TIPRL: variants seen among roughly 807,000 people sequenced by gnomAD.
TIPRL encodes TIP41-like protein.
A neutral mutation model predicts 32.3 loss-of-function variants in TIPRL; 10 were observed. The observed-to-expected ratio is 0.31, with a 90% CI of 0.19 to 0.52. The LOEUF is 0.52. Among genes scored for constraint, TIPRL ranks in the 20% least tolerant of loss-of-function variants. The probability of loss-of-function intolerance (pLI) is 0.96; values close to 1 mark genes in which losing one functional copy is unlikely to be tolerated. For missense variants in TIPRL, 250 were observed against 328.1 expected (o/e 0.76, Z 1.84); for synonymous variants, 100 against 114.0 (o/e 0.88, Z 0.78).
chr1:168,192,476 G>T lies in TIPRL; in HGVS notation c.516+976G>T, dbSNP rs999128963. 10 of 944,318 alleles carry T rather than the reference G, an allele frequency of 1.1e-5. No homozygotes were observed. In the African/African-American group the frequency reaches 1.8e-4, roughly 17 times the overall value. 58.5% of individuals were successfully genotyped at this position (944,318 alleles called of 1,614,324 possible). The stretch of plus-strand genomic sequence containing the variant: ...AATACTTTCCAGAAATAACTCAACT[G>T]AAACTTTTTACTAAATGCCTCATTC... On this transcript the variant is annotated intron_variant, in intron 4 of 6. Coordinates refer to ENST00000367833, the MANE Select transcript of TIPRL (RefSeq NM_152902.5).
intron 3 of TIPRL, 151 bp downstream of exon 3, chr1:168,185,029 T>C (rs771883039): frequency 1.1e-5 from 6 of 539,882 alleles, no homozygotes; most frequent in South Asian, 5.5e-5. Flanking sequence ...GAGGGGGTTT[T>C]GCTTGTTGAC....
intron 3 of TIPRL, among the ~76,000 whole-genome samples, chr1:168,188,735 T>G (rs1190698276): frequency 6.6e-6 from 1 of 152,028 alleles, no homozygotes; most frequent in African/African-American, 2.4e-5. Flanking sequence ...TCCCAATACT[T>G]TAGGAGGCCG....
intron 1 of TIPRL, among the ~76,000 whole-genome samples, chr1:168,180,141 A>G (rs1171756948): frequency 1.3e-5 from 2 of 152,220 alleles, no homozygotes; most frequent in African/African-American, 4.8e-5. Context: ...GCTGGATTGC[A>G]GGTCCGCAGG....
In TIPRL at chr1:168,200,414, C is replaced by G; in HGVS notation, c.*368C>G. On this transcript the variant is annotated 3_prime_UTR_variant, in exon 7 of 7. Transcript: ENST00000367833. ...TAATGTAAATCACCAAATCCCAATG[C>G]CTTGTGACTTTCATAGGATTCCTGA... 1 of 165,138 alleles carries G rather than the reference C, an allele frequency of 6.1e-6. No homozygotes were observed. Among genetic ancestry groups the G allele is most frequent in the Admixed American group, 6.0e-5 (1 of 16,532 alleles). 10.2% of individuals were successfully genotyped at this position (165,138 alleles called of 1,614,324 possible). A position where few individuals can be genotyped will look rare whatever the true frequency, so the allele number is the denominator to read the frequency against.
chr1:168,184,143 A>T (rs1173079344), intron 2 of TIPRL, 62 bp downstream of exon 2: 1 of 1,461,188 alleles, frequency 6.8e-7, no homozygotes, highest in Non-Finnish European at 9.3e-7. Context: ...AAGAGAAAAG[A>T]CTTGAAAAAA....
intron 1 of TIPRL, among the ~76,000 whole-genome samples, chr1:168,181,360 C>T (rs948172957): frequency 6.6e-6 from 1 of 151,412 alleles, no homozygotes; most frequent in African/African-American, 2.4e-5. Context: ...TACAGGCATG[C>T]ATCACCACGC....
At chr1:168,181,964 T>C (rs1234453675) in intron 1 of TIPRL, among the ~76,000 whole-genome samples, 1 of 151,744 alleles carries the variant, frequency 6.6e-6, no homozygotes, top group Non-Finnish European at 1.5e-5. Flanking sequence ...CTCTGAAGGC[T>C]GAGGCACGAG....
At chr1:168,199,061 A>G (rs1389094786) in intron 6 of TIPRL, 80 bp downstream of exon 6, 7 of 1,081,232 alleles carry the variant, frequency 6.5e-6, no homozygotes, top group South Asian at 2.7e-5. Flanking sequence ...CCTGACCCCA[A>G]CCACCCAAGT....
chr1:168,193,955 C>T (rs1347810407), intron 4 of TIPRL, among the ~76,000 whole-genome samples: 1 of 152,084 alleles, frequency 6.6e-6, no homozygotes, highest in Non-Finnish European at 1.5e-5. Context: ...TATTGAGTCA[C>T]CGTAAATGTG....
intron 1 of TIPRL, among the ~76,000 whole-genome samples, chr1:168,179,892 A>G (rs1699939243): frequency 6.6e-6 from 1 of 151,972 alleles, no homozygotes; most frequent in Non-Finnish European, 1.5e-5. Flanking sequence ...GGGCTCAGGG[A>G]GAGTGAAAGC....
chr1:168,191,954 A>G (rs1055241836), intron 4 of TIPRL, among the ~76,000 whole-genome samples: 8 of 151,862 alleles, frequency 5.3e-5, no homozygotes, highest in African/African-American at 1.9e-4. Flanking sequence ...TTGAATATCC[A>G]TTATAAAATT....
At chr1:168,184,692 A>G (rs1270932088) in intron 2 of TIPRL, 87 bp from the exon 3 acceptor site, 2 of 820,518 alleles carry the variant, frequency 2.4e-6, no homozygotes, top group Non-Finnish European at 4.0e-6. Context: ...ATATGTTATT[A>G]TAGAATATAA....
chr1:168,200,029 A>G lies in TIPRL; in HGVS notation c.802A>G (p.Ser268Gly), dbSNP rs1386576626. 1.7e-5 allele frequency: 27 copies of G among 1,613,424 alleles called. No homozygotes were observed. Among genetic ancestry groups the G allele is most frequent in the Non-Finnish European group, 2.1e-5 (25 of 1,179,656 alleles). ...TCCTAACCCAGCAGACTCACAAAAA[A>G]GTACACAAGTGGAATAAAATGTGAT... ...IDPNPADSQK[S>G]TQVE Residue 268 changes from serine to glycine, a missense_variant, in exon 7 of 7, where the codon AGT (serine) becomes GGT (glycine). Ser to Gly is a moderately conservative substitution (Grantham distance 56). Transcript: ENST00000367833.
chr1:168,184,185 A>C (rs1700001261), intron 2 of TIPRL, 104 bp downstream of exon 2: 3 of 1,039,008 alleles, frequency 2.9e-6, no homozygotes, highest in Admixed American at 5.7e-5. Context: ...TGTTGTTAGA[A>C]TGAAGGGCTG....
intron 5 of TIPRL, among the ~76,000 whole-genome samples, chr1:168,197,817 C>G (rs1700173925): frequency 6.6e-6 from 1 of 152,124 alleles, no homozygotes; most frequent in Non-Finnish European, 1.5e-5. Context: ...GTGAGCCACA[C>G]CGCTCCTGGC....
intron 4 of TIPRL, 88 bp from the exon 5 acceptor site, chr1:168,196,459 T>C (rs1400329265): frequency 2.1e-6 from 2 of 932,122 alleles, no homozygotes; most frequent in Non-Finnish European, 3.0e-6. Context: ...GTTTTTTTGT[T>C]TTTTGTTTTC....
chr1:168,186,737 G>A (rs1365589010), intron 3 of TIPRL, among the ~76,000 whole-genome samples: 1 of 152,128 alleles, frequency 6.6e-6, no homozygotes, highest in Non-Finnish European at 1.5e-5. Flanking sequence ...GGGAGGCTGA[G>A]GCAGGAGAAT....
rs569685370 is a variant in TIPRL, at chr1:168,190,124, T to C, written c.385-1245T>C. Among the ~76,000 whole-genome samples, 4 of 152,350 alleles carry C rather than the reference T, an allele frequency of 2.6e-5. No individual in the cohort carries two copies. The East Asian group carries it at 7.7e-4, about 29-fold the overall frequency. The stretch of plus-strand genomic sequence containing the variant: ...AGGCAGTCCTCGTTGGCAGACCAAC[T>C]TTTGTTTAACTAGATCATAAACTTA... On this transcript the variant is annotated intron_variant, in intron 3 of 6. Coordinates refer to ENST00000367833, the MANE Select transcript of TIPRL (RefSeq NM_152902.5).
At position 168,200,092 on chromosome 1, in the gene TIPRL, T is replaced by C. The variant is rs750074584; in HGVS notation, c.*46T>C. ...CACTATGGAATCTGACTGGACACCT[T>C]GGCTATTTGTAAGGGGTTATTTTTA... is the stretch of plus-strand genomic sequence containing the variant. On this transcript the variant is annotated 3_prime_UTR_variant, in exon 7 of 7. Coordinates refer to ENST00000367833, the MANE Select transcript of TIPRL (RefSeq NM_152902.5). The C allele has an allele frequency of 8.2e-6, 13 of 1,588,078 alleles. No individual in the cohort carries two copies. The South Asian group carries it at 1.1e-4, about 14-fold the overall frequency.
Sources: gnomAD v4.1 joint callset for allele counts (sites outside exome capture counted in the v4.1 genomes callset) on GRCh38, gnomAD v4.1.1 for gene constraint, MANE v1.5 for transcripts, NCBI Gene and HGNC (gene_info 2026-07-23, HGNC 2026-07-21) for gene names.